GRIA3: variants seen among roughly 807,000 people sequenced by gnomAD.
GRIA3 encodes glutamate ionotropic receptor AMPA type subunit 3.
Under a neutral mutation model 63.0 loss-of-function variants are expected in GRIA3, and 3 were observed. The ratio of observed to expected loss-of-function variants is 0.05; its 90% confidence interval spans 0.02 to 0.12. The LOEUF is 0.12. Among genes scored for constraint, GRIA3 ranks in the 10% least tolerant of loss-of-function variants. The probability of loss-of-function intolerance (pLI) is 1.00; values close to 1 mark genes in which losing one functional copy is unlikely to be tolerated. For synonymous variants in GRIA3, 274 were observed against 257.9 expected (o/e 1.06, Z -0.60); for missense variants, 347 against 700.9 (o/e 0.50, Z 5.70).
intron 2 of GRIA3, among the ~76,000 whole-genome samples, chrX:123,237,700 A>C (rs140865818): frequency 2.4e-3 from 266 of 112,702 alleles, no homozygotes; most frequent in African/African-American, 8.0e-3. Context: ...TCAGTAGCAC[A>C]TAAAAGTTAC....
At chrX:123,412,753 T>C (rs1348871753) in intron 10 of GRIA3, among the ~76,000 whole-genome samples, 2 of 111,736 alleles carry the variant, frequency 1.8e-5, no homozygotes, top group Non-Finnish European at 3.8e-5. Flanking sequence ...CCATCTGTAA[T>C]AGGTATTTTT....
At chrX:123,245,658 C>T (rs1419516252) in intron 2 of GRIA3, among the ~76,000 whole-genome samples, 1 of 111,162 alleles carries the variant, frequency 9.0e-6, no homozygotes, top group Non-Finnish European at 1.9e-5. Context: ...ATATCAAATG[C>T]GGCTCAGCAA....
intron 5 of GRIA3, among the ~76,000 whole-genome samples, chrX:123,364,107 G>A (rs1407765258): frequency 8.9e-6 from 1 of 112,094 alleles, no homozygotes. Flanking sequence ...ACTAGAATTC[G>A]ATAAGTTTAG....
Position 123,313,211 on chromosome X carries a change from T to C in GRIA3, c.509-12815T>C, listed in dbSNP as rs182535762. On this transcript the variant is annotated intron_variant, in intron 3 of 15. Coordinates refer to ENST00000620443, the MANE Select transcript of GRIA3 (RefSeq NM_007325.5). Reference sequence around the variant, plus strand: ...GTGTTTTACGTGGGTTTCTTTAGTATGGTGGATGGCACATGAAAATACTTA... The same window carrying C: ...GTGTTTTACGTGGGTTTCTTTAGTACGGTGGATGGCACATGAAAATACTTA... 3.6e-4 allele frequency among the ~76,000 whole-genome samples: 40 copies of C among 111,956 alleles called. No individual in the cohort carries two copies. The East Asian group carries it at 6.2e-3, about 17-fold the overall frequency.
Position 123,374,529 on chromosome X carries a change from C to T in GRIA3, c.750+19566C>T, listed in dbSNP as rs774975061. Among the ~76,000 whole-genome samples, 22 of 111,871 alleles carry T rather than the reference C, an allele frequency of 2.0e-4. No homozygotes were observed. In the East Asian group the frequency reaches 4.5e-3, roughly 23 times the overall value. ...CATTTGTTTGTGTCCTCCTTTATTTCGTTGAGCAGTGTTTTGTAGTTCTCC... is the reference window on the plus strand; with the variant it reads ...CATTTGTTTGTGTCCTCCTTTATTTTGTTGAGCAGTGTTTTGTAGTTCTCC... On this transcript the variant is annotated intron_variant, in intron 5 of 15. Transcript: ENST00000620443.
chrX:123,471,287 A>T (rs2045861308), intron 13 of GRIA3, among the ~76,000 whole-genome samples: 1 of 112,038 alleles, frequency 8.9e-6, no homozygotes, highest in Non-Finnish European at 1.9e-5. Flanking sequence ...TTGCCAAATG[A>T]TATTAAAGAA....
rs147515609 is a variant in GRIA3, at chrX:123,322,134, C to T, written c.509-3892C>T. Among the ~76,000 whole-genome samples, 229 of 111,662 alleles carry T rather than the reference C, an allele frequency of 2.1e-3. 1 individual carries two copies. Among genetic ancestry groups the T allele is most frequent in the African/African-American group, 7.0e-3 (215 of 30,735 alleles). On this transcript the variant is annotated intron_variant, in intron 3 of 15. Transcript: ENST00000620443. ...ACTACCCTTTGCCAAGATTATCACA[C>T]CTTATTTGCCAAGAGTAGCCCAACC...
chrX:123,425,802 A>G (rs2045586496), intron 11 of GRIA3, among the ~76,000 whole-genome samples: 1 of 111,966 alleles, frequency 8.9e-6, no homozygotes, highest in African/African-American at 3.2e-5. Context: ...GGGTTGTCTC[A>G]GGAATCCAGG....
chrX:123,463,616 GAAAGAAA>G (rs2045810041), intron 12 of GRIA3, among the ~76,000 whole-genome samples: 343 of 14,143 alleles, frequency 0.024, 9 homozygotes, highest in African/African-American at 0.04. Context: ...GGGAGGGAAA[GAAAGAAA>G]GAAAGAAAGA....
chrX:123,484,778 C>T (rs184960840), intron 15 of GRIA3, among the ~76,000 whole-genome samples: 6 of 112,889 alleles, frequency 5.3e-5, no homozygotes, highest in East Asian at 5.6e-4. Flanking sequence ...CCACCATGCC[C>T]GGCTGCATTT....
intron 2 of GRIA3, among the ~76,000 whole-genome samples, chrX:123,234,311 A>G (rs868608773): frequency 4.4e-4 from 49 of 111,507 alleles, no homozygotes; most frequent in African/African-American, 1.6e-3. Flanking sequence ...ACACACAGCA[A>G]CAGAGCCATC....
chrX:123,379,064 A>G (rs1310883483), intron 5 of GRIA3, among the ~76,000 whole-genome samples: 1 of 111,258 alleles, frequency 9.0e-6, no homozygotes, highest in Non-Finnish European at 1.9e-5. Flanking sequence ...CACTTCTTGC[A>G]AGAAATGAAT....
chrX:123,358,237 T>C (rs2045146370), intron 5 of GRIA3: 1 of 112,059 alleles, frequency 8.9e-6, no homozygotes, highest in African/African-American at 3.2e-5. Context: ...CAAAGTCCAA[T>C]GTGAGTCTTG....
chrX:123,424,591 GTAATCACCCAAA>G lies in GRIA3; in HGVS notation c.1878-3348_1878-3337del, dbSNP rs749928399. Among the ~76,000 whole-genome samples, 4 of 111,448 alleles carry G rather than the reference GTAATCACCCAAA, an allele frequency of 3.6e-5. No homozygotes were observed. The East Asian group carries it at 1.1e-3, about 32-fold the overall frequency. On this transcript the variant is annotated intron_variant, in intron 11 of 15. Coordinates refer to ENST00000620443, the MANE Select transcript of GRIA3 (RefSeq NM_007325.5). ...GTACTGTTATAGCATTTTTATGTGG[GTAATCACCCAAA>G]TTCTCCATGATCATAGGTATATCAT...
At chrX:123,266,910 A>T (rs1015814599) in intron 3 of GRIA3, among the ~76,000 whole-genome samples, 4 of 109,875 alleles carry the variant, frequency 3.6e-5, no homozygotes, top group African/African-American at 1.3e-4. Context: ...GGTAAATGAT[A>T]TATCTTCGAA....
chrX:123,229,744 T>C (rs2044266592), intron 2 of GRIA3, among the ~76,000 whole-genome samples: 2 of 112,269 alleles, frequency 1.8e-5, no homozygotes, highest in African/African-American at 6.5e-5. Flanking sequence ...GATGCTCTGC[T>C]GGAGATAGAA....
chrX:123,402,802 T>C (rs761196687), intron 7 of GRIA3, among the ~76,000 whole-genome samples, 192 bp from the exon 8 acceptor site: 1 of 111,276 alleles, frequency 9.0e-6, no homozygotes, highest in African/African-American at 3.3e-5. Flanking sequence ...GCTTCAAAAC[T>C]AAAAGGCATG....
At chrX:123,385,799 T>C (rs751804186) in intron 5 of GRIA3, among the ~76,000 whole-genome samples, 1 of 111,967 alleles carries the variant, frequency 8.9e-6, no homozygotes, top group South Asian at 3.8e-4. Flanking sequence ...TTGGCTGTTG[T>C]TGGTTATATA....
At chrX:123,313,927 G>A (rs116434617) in intron 3 of GRIA3, among the ~76,000 whole-genome samples, 167 of 111,428 alleles carry the variant, frequency 1.5e-3, no homozygotes, top group African/African-American at 5.1e-3. Flanking sequence ...GTAGTCACTA[G>A]GTTCCATGTG....
Sources: gnomAD v4.1 joint callset for allele counts (sites outside exome capture counted in the v4.1 genomes callset) on GRCh38, gnomAD v4.1.1 for gene constraint, MANE v1.5 for transcripts, NCBI Gene and HGNC (gene_info 2026-07-23, HGNC 2026-07-21) for gene names.